PCLO: variants seen among roughly 807,000 people sequenced by gnomAD.
PCLO encodes the protein piccolo presynaptic cytomatrix protein.
In PCLO, 82 loss-of-function variants were observed where a neutral mutation model predicts 427.5. That is an observed-to-expected ratio of 0.19 (90% CI 0.16 to 0.23). The LOEUF is 0.23. Ranked by LOEUF, PCLO falls within the 10% of genes least tolerant of loss-of-function variation. The pLI, the probability that PCLO is intolerant of heterozygous loss-of-function variation, is 1.00. For missense variants in PCLO, 6,239 were observed against 6,115.9 expected (o/e 1.02, Z -0.67); for synonymous variants, 2,357 against 2,155.4 (o/e 1.09, Z -2.59).
At chr7:82,848,304 G>GTTTTTTT (rs71522632) in intron 10 of PCLO, among the ~76,000 whole-genome samples, 18 of 83,886 alleles carry the variant, frequency 2.1e-4, no homozygotes, top group East Asian at 4.8e-4. Flanking sequence ...CCATTAGTTA[G>GTTTTTTT]TTTTTTTTTT....
chr7:82,981,945 C>CTT (rs1375183374), intron 3 of PCLO, among the ~76,000 whole-genome samples: 11 of 152,006 alleles, frequency 7.2e-5, no homozygotes, highest in African/African-American at 1.9e-4. Context: ...TGGCTTAATA[C>CTT]TTATACCTAC....
At chr7:83,123,956 CAAAAAAAAAAAA>C (rs71074625) in intron 3 of PCLO, among the ~76,000 whole-genome samples, 1 of 29,056 alleles carries the variant, frequency 3.4e-5, no homozygotes, top group Non-Finnish European at 5.4e-5. Context: ...AACTCTGTCT[CAAAAAAAAAAAA>C]AAAAAAAAAA....
At chr7:82,981,591 T>C (rs1305247314) in intron 3 of PCLO, among the ~76,000 whole-genome samples, 1 of 152,156 alleles carries the variant, frequency 6.6e-6, no homozygotes, top group Non-Finnish European at 1.5e-5. Context: ...TATTTCTTTC[T>C]TAATCCTTAA....
At position 82,776,908 on chromosome 7, in the gene PCLO, A is replaced by G. The variant is rs568305719; in HGVS notation, c.15008-15415T>C. ...TGTGTGTGTATATATAGATATACGC[A>G]CACACACACACACACACACACACAT... On this transcript the variant is annotated intron_variant, in intron 22 of 24. Coordinates refer to ENST00000333891, the MANE Select transcript of PCLO (RefSeq NM_033026.6). Among the ~76,000 whole-genome samples the G allele has an allele frequency of 3.9e-3, 453 of 117,460 alleles. 2 individuals are homozygous for G. The highest frequency in any genetic ancestry group is 0.018 in the African/African-American group (375 of 20,870). 77.1% of individuals were successfully genotyped at this position (117,460 alleles called of 152,430 possible).
chr7:83,089,137 TTACATACA>T (rs61259933), intron 3 of PCLO, among the ~76,000 whole-genome samples: 2 of 151,782 alleles, frequency 1.3e-5, no homozygotes, highest in Admixed American at 6.6e-5. Context: ...GTATGTATGT[TTACATACA>T]TACATACATA....
At chr7:82,780,511 A>G (rs550312543) in intron 22 of PCLO, among the ~76,000 whole-genome samples, 182 of 152,118 alleles carry the variant, frequency 1.2e-3, no homozygotes, top group Non-Finnish European at 2.0e-3. Flanking sequence ...CTTGAACAGC[A>G]AAATAAGCCT....
At chr7:82,817,554 T>C (rs569343759) in intron 20 of PCLO, among the ~76,000 whole-genome samples, 22 of 152,204 alleles carry the variant, frequency 1.4e-4, no homozygotes, top group Middle Eastern at 3.4e-3. Context: ...CACTACCACT[T>C]GCCCAAGGCA....
intron 2 of PCLO, among the ~76,000 whole-genome samples, chr7:83,138,704 A>G (rs1791790558): frequency 6.6e-6 from 1 of 152,034 alleles, no homozygotes; most frequent in Non-Finnish European, 1.5e-5. Flanking sequence ...TGGAGGCTAT[A>G]TAACAACCAA....
chr7:83,026,485 A>G (rs1383392328), intron 3 of PCLO, among the ~76,000 whole-genome samples: 4 of 152,164 alleles, frequency 2.6e-5, no homozygotes, highest in East Asian at 3.9e-4. Context: ...AAGAGACTTA[A>G]ACTCCCACAC....
chr7:82,910,850 C>T (rs575999196), intron 7 of PCLO, among the ~76,000 whole-genome samples: 22 of 152,068 alleles, frequency 1.4e-4, no homozygotes, highest in Non-Finnish European at 3.1e-4. Context: ...AAAACAAATT[C>T]ATTATTTAAT....
intron 3 of PCLO, among the ~76,000 whole-genome samples, chr7:83,049,070 C>T (rs1409708553): frequency 6.6e-6 from 1 of 152,090 alleles, no homozygotes; most frequent in African/African-American, 2.4e-5. Context: ...GACTTAGCCA[C>T]CAGCTGCTGT....
At chr7:83,015,519 T>C (rs766582611) in intron 3 of PCLO, among the ~76,000 whole-genome samples, 9 of 152,130 alleles carry the variant, frequency 5.9e-5, no homozygotes, top group Non-Finnish European at 1.0e-4. Context: ...ATAGCATTTG[T>C]TTCAAATTAA....
At chr7:82,868,632 A>G (rs1322865976) in intron 10 of PCLO, among the ~76,000 whole-genome samples, 1 of 152,212 alleles carries the variant, frequency 6.6e-6, no homozygotes, top group East Asian at 1.9e-4. Flanking sequence ...CTCTCATTTC[A>G]TTACAAGTCT....
At chr7:82,832,844 C>G (rs1158625526) in intron 16 of PCLO, among the ~76,000 whole-genome samples, 1 of 143,222 alleles carries the variant, frequency 7.0e-6, no homozygotes, top group Admixed American at 7.1e-5. Flanking sequence ...CACACACACA[C>G]GTTTTTCAAA....
Position 82,949,694 on chromosome 7 carries a change from G to C in PCLO, c.10894C>G (p.Pro3632Ala). Residue 3632 changes from proline to alanine, a missense_variant, in exon 6 of 25, where the codon CCA becomes GCA. This residue lies in a region of PCLO where 4,677 missense variants were observed against 4,468.4 expected (regional missense o/e 1.05). Coordinates refer to ENST00000333891, the MANE Select transcript of PCLO (RefSeq NM_033026.6). ...AAGGCTGATTCTAAGGCTTTGCCTG[G>C]TGAAAGTGGTGAGATGGGTGAGTAA... is the stretch of plus-strand genomic sequence containing the variant. ...VLYSPISPLS[P>A]GKALESAFVP... 1 of 1,613,868 alleles carries C rather than the reference G, an allele frequency of 6.2e-7. No homozygotes were observed. Among genetic ancestry groups the C allele is most frequent in the South Asian group, 1.1e-5 (1 of 91,080 alleles).
chr7:83,131,914 C>T lies in PCLO; in HGVS notation c.3300+2336G>A, dbSNP rs184680693. On this transcript the variant is annotated intron_variant, in intron 3 of 24. Transcript: ENST00000333891. ...AATAGTATTTACAGTTTGCTGGATA[C>T]ATATACATCTATACATAAGGGTATA... 1.9e-3 allele frequency among the ~76,000 whole-genome samples: 284 copies of T among 152,124 alleles called. 2 individuals carry two copies. The highest frequency in any genetic ancestry group is 1.3e-3 in the Non-Finnish European group (88 of 67,996).
At position 82,843,741 on chromosome 7, in the gene PCLO, C is replaced by G. The variant is rs1045839877; in HGVS notation, c.14046+1530G>C. Among the ~76,000 whole-genome samples, 4 of 150,492 alleles carry G rather than the reference C, an allele frequency of 2.7e-5. No homozygotes were observed. In the East Asian group the frequency reaches 8.0e-4, roughly 30 times the overall value. ...AGTGCAGTGGTGTGATCTCTGCTCA[C>G]TGCAACTCCGCCTCCCATATTCAAG... On this transcript the variant is annotated intron_variant, in intron 13 of 24. Transcript: ENST00000333891.
At chr7:83,017,761 G>A (rs1427014049) in intron 3 of PCLO, 1 of 151,944 alleles carries the variant, frequency 6.6e-6, no homozygotes, top group Non-Finnish European at 1.5e-5. Flanking sequence ...TGAAGTTCCT[G>A]TGTAATGACA....
intron 20 of PCLO, among the ~76,000 whole-genome samples, chr7:82,807,863 G>A (rs896547502): frequency 6.6e-6 from 1 of 151,920 alleles, no homozygotes; most frequent in African/African-American, 2.4e-5. Context: ...TCAAGGAATT[G>A]CTAGTAACCC....
Sources: gnomAD v4.1 joint callset for allele counts (sites outside exome capture counted in the v4.1 genomes callset) on GRCh38, gnomAD v4.1.1 for gene constraint, gnomAD v4.1.1 regional missense constraint, MANE v1.5 for transcripts, NCBI Gene and HGNC (gene_info 2026-07-23, HGNC 2026-07-21) for gene names.